The following HSDL2 variants were observed in gnomAD, a reference collection of about 807,000 sequenced individuals.
HSDL2 encodes hydroxysteroid dehydrogenase like 2.
In HSDL2, 27 loss-of-function variants were observed where a neutral mutation model predicts 46.3. The observed-to-expected ratio is 0.58, with a 90% CI of 0.43 to 0.80. The LOEUF is 0.80. Ranked by LOEUF, HSDL2 falls within the 30% of genes least tolerant of loss-of-function variation. The pLI is 0.00. For synonymous variants in HSDL2, 153 were observed against 163.6 expected (o/e 0.94, Z 0.50); for missense variants, 451 against 502.7 (o/e 0.90, Z 0.98).
chr9:112,419,451 G>A (rs545169501), intron 6 of HSDL2, among the ~76,000 whole-genome samples: 2 of 151,974 alleles, frequency 1.3e-5, no homozygotes, highest in African/African-American at 4.8e-5. Context: ...TCCTGCCTTG[G>A]CTTAGACTAC....
At chr9:112,453,986 G>A in intron 8 of HSDL2, 27 bp from the exon 9 acceptor site, 1 of 1,605,596 alleles carries the variant, frequency 6.2e-7, no homozygotes. Context: ...AAGCATTAAG[G>A]TCATTTGCTT....
At chr9:112,462,406 T>C (rs1323456090) in intron 10 of HSDL2, among the ~76,000 whole-genome samples, 1 of 149,598 alleles carries the variant, frequency 6.7e-6, no homozygotes, top group South Asian at 2.1e-4. Context: ...GAGGTTGCAG[T>C]GAGCTGAGAT....
intron 5 of HSDL2, among the ~76,000 whole-genome samples, chr9:112,417,317 A>G (rs1832015513): frequency 6.6e-6 from 1 of 152,114 alleles, no homozygotes; most frequent in African/African-American, 2.4e-5. Flanking sequence ...AAAACTATCT[A>G]TGAGATACTT....
chr9:112,470,333 A>G, intron 10 of HSDL2, 99 bp from the exon 11 acceptor site: 1 of 658,260 alleles, frequency 1.5e-6, no homozygotes, highest in Non-Finnish European at 2.6e-6. Flanking sequence ...TGAGGTTTAT[A>G]GAACTCAAGG....
intron 6 of HSDL2, among the ~76,000 whole-genome samples, chr9:112,422,113 G>A (rs113394219): frequency 0.023 from 3,573 of 152,208 alleles, 146 homozygotes; most frequent in African/African-American, 0.082. Context: ...TCCCAAAATA[G>A]ATTCAGTGAC....
intron 1 of HSDL2, among the ~76,000 whole-genome samples, chr9:112,385,886 A>G (rs1831208376): frequency 6.6e-6 from 1 of 152,028 alleles, no homozygotes. Flanking sequence ...TCGGCCTCCC[A>G]AAGAGCTGGG....
Position 112,439,231 on chromosome 9 carries a change from C to T in HSDL2, c.793+606C>T, listed in dbSNP as rs569291703. Among the ~76,000 whole-genome samples the T allele has an allele frequency of 2.0e-5, 3 of 152,316 alleles. No individual in the cohort carries two copies. In the South Asian group the frequency reaches 6.2e-4, roughly 32 times the overall value. Reference sequence around the variant, plus strand: ...CAGGCTGGTCTTGAACTCCTGAGCTCAAGTGATCTGCCTGCCTTGGCCTCC... The same window carrying T: ...CAGGCTGGTCTTGAACTCCTGAGCTTAAGTGATCTGCCTGCCTTGGCCTCC... On this transcript the variant is annotated intron_variant, in intron 7 of 10. Coordinates refer to ENST00000398805, the MANE Select transcript of HSDL2 (RefSeq NM_032303.5).
intron 8 of HSDL2, among the ~76,000 whole-genome samples, chr9:112,449,383 A>G (rs1483354068): frequency 6.6e-6 from 1 of 151,796 alleles, no homozygotes; most frequent in Non-Finnish European, 1.5e-5. Context: ...CACCACGCCC[A>G]GCCTCTTTCC....
chr9:112,457,077 G>A (rs1232957854), intron 9 of HSDL2, among the ~76,000 whole-genome samples: 2 of 152,118 alleles, frequency 1.3e-5, no homozygotes, highest in Non-Finnish European at 2.9e-5. Flanking sequence ...GAACCCCGGA[G>A]GCGGAGGTTG....
intron 1 of HSDL2, among the ~76,000 whole-genome samples, chr9:112,387,780 T>A (rs1238129804): frequency 1.3e-5 from 2 of 152,192 alleles, no homozygotes; most frequent in Non-Finnish European, 2.9e-5. Context: ...CCCTATGGGA[T>A]ATACTGAGGA....
chr9:112,401,008 G>A (rs1831578397), intron 1 of HSDL2, among the ~76,000 whole-genome samples: 1 of 152,148 alleles, frequency 6.6e-6, no homozygotes, highest in East Asian at 1.9e-4. Context: ...CTTTTTGGGG[G>A]ACACAATTCA....
At chr9:112,402,129 T>C (rs998233985) in intron 1 of HSDL2, among the ~76,000 whole-genome samples, 9 of 152,210 alleles carry the variant, frequency 5.9e-5, no homozygotes, top group African/African-American at 2.2e-4. Context: ...TCTCCATTCT[T>C]TTCCTTAAGC....
At chr9:112,394,226 C>T (rs1165463009) in intron 1 of HSDL2, among the ~76,000 whole-genome samples, 1 of 150,814 alleles carries the variant, frequency 6.6e-6, no homozygotes, top group African/African-American at 2.4e-5. Flanking sequence ...ACTCGCAGTC[C>T]GGACATGGCA....
In HSDL2 at chr9:112,472,379, C is replaced by T. The variant is rs559832041; in HGVS notation, c.*1835C>T. 6 of 152,294 alleles carry T rather than the reference C, an allele frequency of 3.9e-5. No individual in the cohort carries two copies. The highest frequency in any genetic ancestry group is 2.1e-4 in the South Asian group (1 of 4,828). The allele number at this position is 152,294 out of a possible 1,614,324, so 9.4% of individuals were successfully genotyped here. A position where few individuals can be genotyped will look rare whatever the true frequency, so the allele number is the denominator to read the frequency against. On this transcript the variant is annotated 3_prime_UTR_variant, in exon 11 of 11. Transcript: ENST00000398805. ...GCTGGATGCTACCCAGTTCATGAAT[C>T]GCTAATAAAAGCCAATTAGATCTTT...
At chr9:112,444,302 C>G (rs1160479685) in intron 8 of HSDL2, among the ~76,000 whole-genome samples, 1 of 152,162 alleles carries the variant, frequency 6.6e-6, no homozygotes, top group Middle Eastern at 3.2e-3. Context: ...TCTATTGCAC[C>G]AACAACTTAT....
rs1443451362 is a variant in HSDL2 at position 112,472,266 on chromosome 9, C to T, written c.*1722C>T. 5 of 152,128 alleles carry T rather than the reference C, an allele frequency of 3.3e-5. No homozygotes were observed. The highest frequency in any genetic ancestry group is 3.3e-4 in the Admixed American group (5 of 15,282). The allele number at this position is 152,128 out of a possible 1,614,324, so 9.4% of individuals were successfully genotyped here. On this transcript the variant is annotated 3_prime_UTR_variant, in exon 11 of 11. Transcript: ENST00000398805. ...GATGTTAACCAATCTGCTGTGTCTA[C>T]TATGCTGTTTCCTTGTTCCTGCTAG...
intron 6 of HSDL2, among the ~76,000 whole-genome samples, chr9:112,419,939 A>C (rs2132644820): frequency 6.6e-6 from 1 of 152,374 alleles, no homozygotes; most frequent in African/African-American, 2.4e-5. Flanking sequence ...CTGCTTGTAT[A>C]TCAGAGTAGC....
At chr9:112,427,347 G>A (rs1046901288) in intron 6 of HSDL2, among the ~76,000 whole-genome samples, 6 of 152,284 alleles carry the variant, frequency 3.9e-5, no homozygotes, top group East Asian at 1.9e-4. Flanking sequence ...GAGCCAATGC[G>A]CCTGGCCCTC....
chr9:112,450,398 G>A (rs966584351), intron 8 of HSDL2, among the ~76,000 whole-genome samples: 1 of 152,152 alleles, frequency 6.6e-6, no homozygotes, highest in South Asian at 2.1e-4. Flanking sequence ...GGGAGGCTGA[G>A]GCGAGCAGAT....
Sources: allele counts gnomAD v4.1 joint callset (sites outside exome capture counted in the v4.1 genomes callset), GRCh38; gene constraint gnomAD v4.1.1; transcripts MANE v1.5; gene names NCBI Gene and HGNC (gene_info 2026-07-23, HGNC 2026-07-21).